Variants in RAB4A observed in about 807,000 individuals in gnomAD.
RAB4A encodes ras-related protein Rab-4A.
RAB4A carries 20 observed loss-of-function variants against 34.5 expected under a neutral mutation model. The ratio of observed to expected loss-of-function variants is 0.58; its 90% CI spans 0.41 to 0.84. The LOEUF is 0.84. RAB4A is among the 40% of genes least tolerant of loss of function. The pLI, the probability that RAB4A is intolerant of heterozygous loss-of-function variation, is 0.00. For synonymous variants in RAB4A, 102 were observed against 100.0 expected (o/e 1.02, Z -0.12); for missense variants, 228 against 274.5 (o/e 0.83, Z 1.20).
rs1173119070 is a variant in RAB4A, at chr1:229,271,186, C to T, written c.-154C>T. ...TGCGCGGAGCTGGAGTCCGGCTGGG[C>T]CGCAGCCGCTGGGAGACCGGCGGTT... On this transcript the variant is annotated 5_prime_UTR_variant, in exon 1 of 8. Coordinates refer to ENST00000366690, the MANE Select transcript of RAB4A (RefSeq NM_004578.4). 2 of 710,366 alleles carry T rather than the reference C, an allele frequency of 2.8e-6. No individual in the cohort carries two copies. Among genetic ancestry groups the T allele is most frequent in the Non-Finnish European group, 3.9e-6 (2 of 517,892 alleles). The allele number at this position is 710,366 out of a possible 1,614,324, so 44.0% of individuals were successfully genotyped here. A position where few individuals can be genotyped will look rare whatever the true frequency, so the allele number is the denominator to read the frequency against.
intron 6 of RAB4A, among the ~76,000 whole-genome samples, chr1:229,300,402 T>C (rs576439714): frequency 6.6e-6 from 1 of 152,156 alleles, no homozygotes; most frequent in East Asian, 1.9e-4. Context: ...TAGTAAGAGA[T>C]GACTGATTAA....
intron 5 of RAB4A, among the ~76,000 whole-genome samples, 189 bp downstream of exon 5, chr1:229,297,825 A>C (rs1219455743): frequency 6.6e-6 from 1 of 152,240 alleles, no homozygotes; most frequent in Admixed American, 6.5e-5. Flanking sequence ...TTCTGCCTGC[A>C]GAAGTTACTA....
chr1:229,271,307 G>T lies in RAB4A; in HGVS notation c.-33G>T. 1 of 1,330,094 alleles carries T rather than the reference G, an allele frequency of 7.5e-7. No individual in the cohort carries two copies. The allele number at this position is 1,330,094 out of a possible 1,614,324, so 82.4% of individuals were successfully genotyped here. On this transcript the variant is annotated 5_prime_UTR_variant, in exon 1 of 8. Transcript: ENST00000366690. ...CGGCGGACCGCGGGCGAGTGCAGCC[G>T]GTGACCCGGCGAGAGGCGGCGCCGC...
chr1:229,277,327 GGCACACT>G (rs1168946252), intron 1 of RAB4A, among the ~76,000 whole-genome samples: 3 of 151,166 alleles, frequency 2.0e-5, no homozygotes, highest in Admixed American at 6.6e-5. Context: ...GGCTCCTACA[GGCACACT>G]GCAGAGTCCC....
intron 1 of RAB4A, among the ~76,000 whole-genome samples, chr1:229,281,816 T>TTATA (rs61184911): frequency 0.019 from 2,639 of 140,238 alleles, 37 homozygotes; most frequent in Middle Eastern, 0.037. Context: ...CTTATCATAG[T>TTATA]TATATATATA....
intron 1 of RAB4A, among the ~76,000 whole-genome samples, chr1:229,279,336 C>T (rs1313823089): frequency 2.6e-5 from 4 of 152,200 alleles, no homozygotes; most frequent in Non-Finnish European, 5.9e-5. Context: ...TTCTTGAACA[C>T]TCAAGGTCAT....
At chr1:229,275,826 A>G (rs1410747371) in intron 1 of RAB4A, among the ~76,000 whole-genome samples, 1 of 150,924 alleles carries the variant, frequency 6.6e-6, no homozygotes, top group Admixed American at 6.6e-5. Context: ...GGGTTTCACT[A>G]TGTTGGTCAG....
chr1:229,294,222 T>C (rs927035521), intron 3 of RAB4A, among the ~76,000 whole-genome samples: 5 of 152,078 alleles, frequency 3.3e-5, no homozygotes, highest in African/African-American at 7.2e-5. Context: ...CATGGAGATA[T>C]GGAGGCAGCA....
chr1:229,275,906 G>A (rs1199607662), intron 1 of RAB4A, among the ~76,000 whole-genome samples: 3 of 151,118 alleles, frequency 2.0e-5, no homozygotes, highest in East Asian at 1.9e-4. Context: ...GTTTACAGGC[G>A]TGAGCCACCG....
intron 6 of RAB4A, among the ~76,000 whole-genome samples, chr1:229,301,724 A>C (rs571329670): frequency 1.3e-5 from 2 of 152,270 alleles, no homozygotes; most frequent in South Asian, 4.2e-4. Context: ...AATGGGTAAT[A>C]CATTCAGAAA....
chr1:229,297,746 G>C, intron 5 of RAB4A, 110 bp downstream of exon 5: 1 of 1,208,596 alleles, frequency 8.3e-7, no homozygotes, highest in Non-Finnish European at 1.1e-6. Context: ...CTAGATTTAG[G>C]AAATGTGGAA....
At chr1:229,286,706 C>A in intron 2 of RAB4A, 140 bp downstream of exon 2, 1 of 556,716 alleles carries the variant, frequency 1.8e-6, no homozygotes, top group Non-Finnish European at 3.1e-6. Context: ...TGTTATTGAA[C>A]TTTGGGTGAT....
In RAB4A at chr1:229,271,320, G is replaced by T. The variant is rs757241854; in HGVS notation, c.-20G>T. The T allele has an allele frequency of 4.6e-5, 61 of 1,323,818 alleles. No homozygotes were observed. In the South Asian group the frequency reaches 1.2e-3, roughly 25 times the overall value. 82.0% of individuals were successfully genotyped at this position (1,323,818 alleles called of 1,614,324 possible). On this transcript the variant is annotated 5_prime_UTR_variant, in exon 1 of 8. Transcript: ENST00000366690. ...GCGAGTGCAGCCGGTGACCCGGCGA[G>T]AGGCGGCGCCGCTCCCAAGATGTCG... is the stretch of plus-strand genomic sequence containing the variant.
intron 3 of RAB4A, among the ~76,000 whole-genome samples, chr1:229,295,122 G>A (rs1007189196): frequency 6.6e-6 from 1 of 151,902 alleles, no homozygotes; most frequent in Non-Finnish European, 1.5e-5. Flanking sequence ...GCCATACCTG[G>A]CTAATTTTTT....
rs780297989 is a variant in RAB4A, at chr1:229,286,458, AT to A, written c.32-24del. 10 of 1,388,126 alleles carry A rather than the reference AT, an allele frequency of 7.2e-6. No individual in the cohort carries two copies. In the South Asian group the frequency reaches 1.3e-4, roughly 18 times the overall value. 86.0% of individuals were successfully genotyped at this position (1,388,126 alleles called of 1,614,324 possible). ...AAATTCACAGCACTATTTTGAAGTTATTTTCACAGTCTCTTTTTATCTTTCA... is the reference window on the plus strand; with the variant it reads ...AAATTCACAGCACTATTTTGAAGTTATTTCACAGTCTCTTTTTATCTTTCA... On this transcript the variant is annotated intron_variant, in intron 1 of 7. Transcript: ENST00000366690.
chr1:229,284,927 C>T (rs1411400970), intron 1 of RAB4A, among the ~76,000 whole-genome samples: 2 of 152,130 alleles, frequency 1.3e-5, no homozygotes, highest in African/African-American at 4.8e-5. Flanking sequence ...GCTCTCAGTA[C>T]TGCCTACTGG....
At chr1:229,296,689 C>A (rs1164843765) in intron 4 of RAB4A, among the ~76,000 whole-genome samples, 1 of 152,166 alleles carries the variant, frequency 6.6e-6, no homozygotes, top group Non-Finnish European at 1.5e-5. Flanking sequence ...AGGAACCTGT[C>A]CAGTGAGAGG....
intron 4 of RAB4A, among the ~76,000 whole-genome samples, chr1:229,296,521 G>A (rs1657253374): frequency 6.6e-6 from 1 of 152,212 alleles, no homozygotes; most frequent in South Asian, 2.1e-4. Context: ...CCACATTTCA[G>A]GTCCTCAGTA....
intron 5 of RAB4A, 39 bp from the exon 6 acceptor site, chr1:229,298,935 ATCT>A: frequency 7.0e-7 from 1 of 1,421,632 alleles, no homozygotes; most frequent in Non-Finnish European, 9.8e-7. Flanking sequence ...AATTATGATC[ATCT>A]TCTAAACATG....
Sources: gnomAD v4.1 joint callset for allele counts (sites outside exome capture counted in the v4.1 genomes callset) on GRCh38, gnomAD v4.1.1 for gene constraint, MANE v1.5 for transcripts, NCBI Gene and HGNC (gene_info 2026-07-23, HGNC 2026-07-21) for gene names.